The following RIMBP2 variants were observed in gnomAD, a reference collection of about 807,000 sequenced individuals.
The protein encoded by RIMBP2 is RIMS binding protein 2.
In RIMBP2, 48 loss-of-function variants were observed where a neutral mutation model predicts 118.6. The ratio of observed to expected loss-of-function variants is 0.40; its 90% CI spans 0.32 to 0.51. RIMBP2 has a LOEUF of 0.51. RIMBP2 is among the 20% of genes least tolerant of loss of function. RIMBP2 has a pLI of 0.41. For synonymous variants in RIMBP2, 762 were observed against 742.9 expected (o/e 1.03, Z -0.42); for missense variants, 1,551 against 1,768.3 (o/e 0.88, Z 2.20).
chr12:130,637,618 A>G (rs565108322), intron 1 of RIMBP2, among the ~76,000 whole-genome samples: 9 of 152,342 alleles, frequency 5.9e-5, no homozygotes, highest in African/African-American at 2.2e-4. Flanking sequence ...AGAATTGATC[A>G]ATGTATCCCT....
intron 1 of RIMBP2, among the ~76,000 whole-genome samples, chr12:130,646,011 G>A (rs1228004399): frequency 6.6e-6 from 1 of 152,034 alleles, no homozygotes; most frequent in African/African-American, 2.4e-5. Flanking sequence ...TTTCACCCAA[G>A]CATTGAAATC....
At chr12:130,560,902 G>C (rs1159064060) in intron 2 of RIMBP2, among the ~76,000 whole-genome samples, 1 of 152,216 alleles carries the variant, frequency 6.6e-6, no homozygotes, top group Non-Finnish European at 1.5e-5. Context: ...CTCAGAACAT[G>C]ATGTTCTTTG....
At chr12:130,569,764 C>A (rs1040049112) in intron 2 of RIMBP2, among the ~76,000 whole-genome samples, 1 of 152,292 alleles carries the variant, frequency 6.6e-6, no homozygotes, top group Non-Finnish European at 1.5e-5. Flanking sequence ...TTTCCTGAGG[C>A]CTCCCCAGCC....
intron 4 of RIMBP2, among the ~76,000 whole-genome samples, chr12:130,494,984 C>T (rs529331696): frequency 1.3e-5 from 2 of 152,322 alleles, no homozygotes; most frequent in Admixed American, 6.5e-5. Flanking sequence ...GGCGTGGCCA[C>T]GATGCTTGGT....
intron 2 of RIMBP2, among the ~76,000 whole-genome samples, chr12:130,545,618 G>A (rs12231658): frequency 0.17 from 25,449 of 152,044 alleles, 2,179 homozygotes; most frequent in Middle Eastern, 0.25. Flanking sequence ...TTTCTATCAG[G>A]TGCGTCCCTC....
chr12:130,415,864 AC>A (rs1397673224), intron 17 of RIMBP2, among the ~76,000 whole-genome samples: 2 of 152,254 alleles, frequency 1.3e-5, no homozygotes, highest in African/African-American at 4.8e-5. Context: ...ATTTCAGGAT[AC>A]AAAATCAATG....
intron 1 of RIMBP2, among the ~76,000 whole-genome samples, chr12:130,644,063 C>G (rs1409915733): frequency 6.6e-6 from 1 of 152,246 alleles, no homozygotes; most frequent in Admixed American, 6.5e-5. Context: ...GGCAGCCACC[C>G]TCCCAAAACA....
chr12:130,615,531 G>A (rs1297953682), intron 2 of RIMBP2, among the ~76,000 whole-genome samples: 1 of 151,724 alleles, frequency 6.6e-6, no homozygotes. Flanking sequence ...GGCTGGTCTT[G>A]AACTCCTGGC....
intron 4 of RIMBP2, among the ~76,000 whole-genome samples, chr12:130,480,198 TACACACACACACAC>T (rs10580090): frequency 3.3e-4 from 42 of 128,170 alleles, no homozygotes; most frequent in South Asian, 4.8e-4. Flanking sequence ...TTTCCTTTCA[TACACACACACACAC>T]ACACACACAC....
intron 1 of RIMBP2, among the ~76,000 whole-genome samples, chr12:130,698,843 C>T (rs1388650246): frequency 6.6e-6 from 1 of 151,940 alleles, no homozygotes; most frequent in Non-Finnish European, 1.5e-5. Context: ...TGACAAAGGG[C>T]TAATATCCAG....
chr12:130,443,289 T>C (rs188031243), intron 10 of RIMBP2, among the ~76,000 whole-genome samples: 71 of 147,044 alleles, frequency 4.8e-4, no homozygotes, highest in Middle Eastern at 3.7e-3. Flanking sequence ...TGGTTAAGAG[T>C]GGACATAGTG....
At position 130,434,475 on chromosome 12, in the gene RIMBP2, C is replaced by T. The variant is rs554744800; in HGVS notation, c.2253+259G>A. ...GGACCTGCAAAACCACCCCTATGACCGAATACCAGGATGGTGCAGCGGGGG... is the reference window on the plus strand; with the variant it reads ...GGACCTGCAAAACCACCCCTATGACTGAATACCAGGATGGTGCAGCGGGGG... On this transcript the variant is annotated intron_variant, in intron 14 of 22. Transcript: ENST00000690449. The surrounding 1 kb of genome is among the most constrained non-coding windows in gnomAD (Gnocchi z 5.7). 3.3e-5 allele frequency among the ~76,000 whole-genome samples: 5 copies of T among 152,296 alleles called. No homozygotes were observed. In the East Asian group the frequency reaches 5.8e-4, roughly 18 times the overall value.
intron 1 of RIMBP2, among the ~76,000 whole-genome samples, 161 bp downstream of exon 1, chr12:130,716,061 C>G (rs941665194): frequency 6.6e-6 from 1 of 152,172 alleles, no homozygotes; most frequent in African/African-American, 2.4e-5. Context: ...GCCCCCGGAC[C>G]CCACGCTGAA....
Position 130,664,417 on chromosome 12 carries a change from A to G in RIMBP2, c.-351-35961T>C, listed in dbSNP as rs7484907. Among the ~76,000 whole-genome samples, 233 of 79,766 alleles carry G rather than the reference A, an allele frequency of 2.9e-3. 4 individuals are homozygous for G. The highest frequency in any genetic ancestry group is 0.017 in the East Asian group (50 of 2,930). 52.3% of individuals were successfully genotyped at this position (79,766 alleles called of 152,430 possible). ...CACACACGCACGCACGCACGCACAC[A>G]CACGCACACACATGCATGCACGCAC... On this transcript the variant is annotated intron_variant, in intron 1 of 22. Coordinates refer to ENST00000690449, the MANE Select transcript of RIMBP2 (RefSeq NM_001393629.1).
At chr12:130,432,502 A>G (rs564814079) in intron 14 of RIMBP2, among the ~76,000 whole-genome samples, 10 of 152,192 alleles carry the variant, frequency 6.6e-5, no homozygotes, top group Non-Finnish European at 1.2e-4. Context: ...TCAGAAGTTG[A>G]AACCTTAACC....
intron 2 of RIMBP2, among the ~76,000 whole-genome samples, chr12:130,539,439 G>T (rs2054368428): frequency 6.6e-6 from 1 of 152,236 alleles, no homozygotes; most frequent in South Asian, 2.1e-4. Flanking sequence ...AGTGCTGTGG[G>T]CACCTCGAGG....
chr12:130,656,989 G>T (rs932325844), intron 1 of RIMBP2, among the ~76,000 whole-genome samples: 1 of 152,224 alleles, frequency 6.6e-6, no homozygotes, highest in African/African-American at 2.4e-5. Context: ...TGAACTCCCA[G>T]GCTCAAGTGA....
Position 130,424,762 on chromosome 12 carries a change from C to T in RIMBP2, c.2509G>A (p.Val837Ile), listed in dbSNP as rs1179703571. ...CAGCACTCTCCGTCCTCTTCCGCTA[C>T]TTCGGGGATACTGAAAAGTCTCTTC... The part of the protein sequence containing the change: ...HRKRLFSIPE[V>I]AEEDGECCGL... The change falls in exon 16 of 23, where the codon GTA (valine) becomes ATA (isoleucine). Residue 837 changes from valine to isoleucine, a missense_variant. Val to Ile is a conservative substitution (Grantham distance 29). Transcript: ENST00000690449. The surrounding 1 kb of genome is among the most constrained non-coding windows in gnomAD (Gnocchi z 9.8). 24 of 1,232,648 alleles carry T rather than the reference C, an allele frequency of 1.9e-5. No homozygotes were observed. The highest frequency in any genetic ancestry group is 2.4e-5 in the Non-Finnish European group (24 of 988,376). The allele number at this position is 1,232,648 out of a possible 1,614,324, so 76.4% of individuals were successfully genotyped here. A position where few individuals can be genotyped will look rare whatever the true frequency, so the allele number is the denominator to read the frequency against.
At chr12:130,444,957 T>C (rs980972325) in intron 10 of RIMBP2, among the ~76,000 whole-genome samples, 45 of 152,328 alleles carry the variant, frequency 3.0e-4, no homozygotes, top group African/African-American at 9.9e-4. Context: ...TAGAGCTGAA[T>C]ACTGGAAACC....
Sources: gnomAD v4.1 joint callset for allele counts (sites outside exome capture counted in the v4.1 genomes callset) on GRCh38, gnomAD v4.1.1 for gene constraint, Gnocchi (gnomAD v3.1) non-coding constraint, MANE v1.5 for transcripts, NCBI Gene and HGNC (gene_info 2026-07-23, HGNC 2026-07-21) for gene names.